EFL1: variants seen among roughly 807,000 people sequenced by gnomAD.
EFL1 encodes the protein elongation factor like GTPase 1.
A neutral mutation model predicts 126.7 loss-of-function variants in EFL1; 76 were observed. That is an observed-to-expected ratio of 0.60 (90% CI 0.50 to 0.73). The LOEUF is 0.73. Ranked by LOEUF, EFL1 falls within the 30% of genes least tolerant of loss-of-function variation. The pLI is 0.00. For missense variants in EFL1, 1,128 were observed against 1,343.2 expected, an observed-to-expected ratio of 0.84 and a Z score of 2.50; for synonymous variants, 410 against 448.4, an observed-to-expected ratio of 0.91 and a Z score of 1.08.
intron 1 of EFL1, chr15:82,262,155 G>C (rs1433309882): frequency 5.9e-6 from 1 of 170,322 alleles, no homozygotes; most frequent in Non-Finnish European, 1.3e-5. Context: ...TTGCATCCAG[G>C]AGGGAGAGAA....
intron 14 of EFL1, chr15:82,215,623 A>C (rs1171195695): frequency 6.6e-6 from 1 of 152,144 alleles, no homozygotes; most frequent in Non-Finnish European, 1.5e-5. Flanking sequence ...CAATTAACCA[A>C]CCAACCAATC....
intron 7 of EFL1, among the ~76,000 whole-genome samples, chr15:82,233,144 C>T (rs1026994957): frequency 7.9e-5 from 12 of 152,110 alleles, no homozygotes; most frequent in African/African-American, 2.4e-4. Flanking sequence ...TGTACACATA[C>T]GGGTACACAA....
intron 15 of EFL1, among the ~76,000 whole-genome samples, chr15:82,186,588 C>T (rs7169961): frequency 0.67 from 101,244 of 152,078 alleles, 35,439 homozygotes; most frequent in African/African-American, 0.89. Context: ...TTATTTTTAA[C>T]ATAATTAACT....
intron 17 of EFL1, among the ~76,000 whole-genome samples, chr15:82,152,902 A>G (rs901517662): frequency 6.6e-6 from 1 of 152,226 alleles, no homozygotes; most frequent in Admixed American, 6.5e-5. Context: ...TGAGGCTTAT[A>G]GCAAGGCTAG....
chr15:82,134,849 G>T (rs572131551), intron 19 of EFL1, among the ~76,000 whole-genome samples: 2 of 152,076 alleles, frequency 1.3e-5, no homozygotes, highest in Non-Finnish European at 2.9e-5. Context: ...TGACTTCAAA[G>T]GTTTCCTCAT....
intron 15 of EFL1, among the ~76,000 whole-genome samples, chr15:82,202,474 T>C (rs1176408650): frequency 6.6e-6 from 1 of 152,196 alleles, no homozygotes; most frequent in East Asian, 1.9e-4. Context: ...TGATAACAAT[T>C]ATGTTGCTTA....
Position 82,130,546 on chromosome 15 carries a change from G to A in EFL1, c.3190C>T (p.Pro1064Ser), listed in dbSNP as rs1017790010. The change falls in exon 20 of 20, where the codon CCC (proline) becomes TCC (serine). Residue 1064 changes from proline (P) to serine (S), a missense_variant. Transcript: ENST00000268206. ...TCCTCAGTAGTTGGCACCCAGAAGG[G>A]GTCACTGGGAATGATCTTGTAAAAG... ...FSHWEIIPSD[P>S]FWVPTTEEEY... The A allele has an allele frequency of 5.6e-6, 9 of 1,613,644 alleles. No individual in the cohort carries two copies. In the African/African-American group the frequency reaches 9.3e-5, roughly 17 times the overall value.
chr15:82,193,842 A>T (rs1023483385), intron 15 of EFL1, among the ~76,000 whole-genome samples: 5 of 152,048 alleles, frequency 3.3e-5, no homozygotes, highest in Admixed American at 1.3e-4. Flanking sequence ...TCTTTCAAGA[A>T]CTCTTTACAT....
At chr15:82,244,346 T>C (rs964620507) in intron 4 of EFL1, among the ~76,000 whole-genome samples, 3 of 152,110 alleles carry the variant, frequency 2.0e-5, no homozygotes, top group Non-Finnish European at 4.4e-5. Context: ...TTTACCATGG[T>C]AGATATTATT....
chr15:82,133,829 G>C (rs17354185), intron 19 of EFL1, among the ~76,000 whole-genome samples: 22,376 of 152,178 alleles, frequency 0.15, 2,090 homozygotes, highest in Non-Finnish European at 0.22. Context: ...TCATATGCGA[G>C]GAAACAGGCA....
At chr15:82,189,939 A>C (rs2074341140) in intron 15 of EFL1, among the ~76,000 whole-genome samples, 1 of 151,954 alleles carries the variant, frequency 6.6e-6, no homozygotes, top group African/African-American at 2.4e-5. Flanking sequence ...AACATGGTGA[A>C]ACCCCGTCTC....
At chr15:82,228,706 C>T (rs1390284137) in intron 9 of EFL1, among the ~76,000 whole-genome samples, 1 of 152,194 alleles carries the variant, frequency 6.6e-6, no homozygotes, top group African/African-American at 2.4e-5. Flanking sequence ...CATTAATGAT[C>T]CTAGCTATCA....
intron 10 of EFL1, 72 bp downstream of exon 10, chr15:82,228,119 G>T: frequency 6.7e-7 from 1 of 1,497,730 alleles, no homozygotes; most frequent in Admixed American, 2.4e-5. Context: ...GAATTTCTTG[G>T]TTACCATAAC....
At chr15:82,171,623 A>T (rs1483163329) in intron 15 of EFL1, among the ~76,000 whole-genome samples, 3 of 152,242 alleles carry the variant, frequency 2.0e-5, no homozygotes, top group African/African-American at 7.2e-5. Flanking sequence ...ATACCATAAG[A>T]CTGAAGATTT....
chr15:82,204,626 C>T (rs1011412261), intron 15 of EFL1, among the ~76,000 whole-genome samples: 23 of 152,212 alleles, frequency 1.5e-4, no homozygotes, highest in Non-Finnish European at 2.9e-4. Context: ...CAAATTATTT[C>T]TCCATTCTGT....
At chr15:82,211,545 T>TACACAC (rs2074586135) in intron 15 of EFL1, among the ~76,000 whole-genome samples, 6 of 66,478 alleles carry the variant, frequency 9.0e-5, no homozygotes, top group African/African-American at 4.7e-4. Flanking sequence ...AAAAAAAATC[T>TACACAC]ATATACACAC....
chr15:82,147,680 GA>G (rs977812844), intron 18 of EFL1, among the ~76,000 whole-genome samples: 101 of 148,668 alleles, frequency 6.8e-4, no homozygotes, highest in African/African-American at 2.4e-3. Flanking sequence ...AGAGGGACAG[GA>G]AAAAAAATAC....
intron 4 of EFL1, 72 bp from the exon 5 acceptor site, chr15:82,241,475 A>G (rs1374635898): frequency 1.3e-6 from 2 of 1,515,232 alleles, no homozygotes; most frequent in Non-Finnish European, 1.8e-6. Flanking sequence ...GCGTTCTAGA[A>G]TAAGAAAGCT....
chr15:82,229,667 A>G (rs1393446466), intron 8 of EFL1, among the ~76,000 whole-genome samples: 3 of 152,192 alleles, frequency 2.0e-5, no homozygotes, highest in Non-Finnish European at 2.9e-5. Flanking sequence ...AACTACTGGC[A>G]ACAGTATTAA....
Sources: allele counts gnomAD v4.1 joint callset (sites outside exome capture counted in the v4.1 genomes callset), GRCh38; gene constraint gnomAD v4.1.1; transcripts MANE v1.5; gene names NCBI Gene and HGNC (gene_info 2026-07-23, HGNC 2026-07-21).